The following PRR5 variants were observed in gnomAD, a reference collection of about 807,000 sequenced individuals.
PRR5 encodes proline-rich protein 5.
PRR5 carries 25 observed loss-of-function variants against 30.6 expected under a neutral mutation model. The ratio of observed to expected loss-of-function variants is 0.82; its 90% confidence interval spans 0.60 to 1.14. The LOEUF (loss-of-function observed/expected upper bound fraction) is 1.14. PRR5 is among the 50% of genes most tolerant of loss of function. The pLI is 0.00. For missense variants in PRR5, 600 were observed against 547.1 expected, an observed-to-expected ratio of 1.10 and a Z score of -0.96; for synonymous variants, 286 against 247.1, an observed-to-expected ratio of 1.16 and a Z score of -1.48.
intron 4 of PRR5, chr22:44,730,950 C>T (rs546401490): frequency 4.4e-6 from 2 of 452,544 alleles, no homozygotes; most frequent in African/African-American, 4.0e-5. Flanking sequence ...GATGGATGGG[C>T]AGCTGTTTGG....
At chr22:44,670,169 G>A (rs1923343696) in intron 1 of PRR5, among the ~76,000 whole-genome samples, 1 of 152,188 alleles carries the variant, frequency 6.6e-6, no homozygotes, top group Non-Finnish European at 1.5e-5. Context: ...GGCGGACAGC[G>A]AAGAGGACCA....
At chr22:44,728,544 G>C (rs1336938683) in intron 4 of PRR5, among the ~76,000 whole-genome samples, 2 of 152,238 alleles carry the variant, frequency 1.3e-5, no homozygotes, top group Non-Finnish European at 2.9e-5. Context: ...ATTCCACCTT[G>C]GCAGTCAGAG....
chr22:44,700,186 G>A (rs202026829), upstream of PRR5, among the ~76,000 whole-genome samples: 38 of 152,098 alleles, frequency 2.5e-4, no homozygotes, highest in East Asian at 7.1e-3. Context: ...CCAGGGAGCC[G>A]GGCACAGTGG....
At position 44,705,484 on chromosome 22, in the gene PRR5, C is replaced by T. The variant is rs1224328114; in HGVS notation, c.134+2876C>T. Among the ~76,000 whole-genome samples the T allele has an allele frequency of 3.3e-5, 5 of 151,842 alleles. No homozygotes were observed. The East Asian group carries it at 5.8e-4, about 18-fold the overall frequency. On this transcript the variant is annotated intron_variant, in intron 1 of 7. Coordinates refer to ENST00000336985, the MANE Select transcript of PRR5 (RefSeq NM_181333.4). ...GATTACAGGCGCCCACCACCACGCC[C>T]GGCTAATTTTTTGTACTTTTAGTAG...
intron 6 of PRR5, chr22:44,734,560 T>G: frequency 6.5e-6 from 1 of 154,886 alleles, no homozygotes; most frequent in Non-Finnish European, 1.4e-5. Flanking sequence ...GAGCCAGTGA[T>G]GGGAAGAAGA....
Position 44,729,199 on chromosome 22 carries a change from C to G in PRR5, c.323-2531C>G, listed in dbSNP as rs1461890900. 8.3e-6 allele frequency: 6 copies of G among 727,238 alleles called. No individual in the cohort carries two copies. The South Asian group carries it at 3.7e-4, about 45-fold the overall frequency. 45.0% of individuals were successfully genotyped at this position (727,238 alleles called of 1,614,324 possible). A position where few individuals can be genotyped will look rare whatever the true frequency, so the allele number is the denominator to read the frequency against. ...CCTCCATGCCTGTGCCTCGGCCGTC[C>G]CCGCGCCAGACACCCTTGACCTGGT... is the stretch of plus-strand genomic sequence containing the variant. On this transcript the variant is annotated intron_variant, in intron 4 of 7. Coordinates refer to ENST00000336985, the MANE Select transcript of PRR5 (RefSeq NM_181333.4).
upstream of PRR5, among the ~76,000 whole-genome samples, chr22:44,700,033 G>A (rs1283041363): frequency 6.6e-6 from 1 of 152,086 alleles, no homozygotes; most frequent in Non-Finnish European, 1.5e-5. Flanking sequence ...TTGAGAGCGT[G>A]GGCTAGGCAC....
intron 2 of PRR5, among the ~76,000 whole-genome samples, chr22:44,715,344 C>T (rs1279852518): frequency 6.6e-6 from 1 of 152,180 alleles, no homozygotes; most frequent in African/African-American, 2.4e-5. Flanking sequence ...ACCCTGTTAC[C>T]TTGTCCCTGT....
intron 6 of PRR5, chr22:44,734,186 C>T (rs548003075): frequency 6.6e-6 from 1 of 152,210 alleles, no homozygotes. Flanking sequence ...GCAGGAGAAT[C>T]ACTTGAACCT....
At chr22:44,683,594 A>T (rs1248175693) in intron 1 of PRR5, among the ~76,000 whole-genome samples, 1 of 150,822 alleles carries the variant, frequency 6.6e-6, no homozygotes, top group East Asian at 2.1e-4. Flanking sequence ...GGGGGGAGCC[A>T]GCCAGGAGAC....
intron 4 of PRR5, chr22:44,729,778 C>G (rs1921591715): frequency 1.8e-5 from 18 of 985,510 alleles, no homozygotes; most frequent in Non-Finnish European, 2.2e-5. Flanking sequence ...TTTACAACAT[C>G]TGCTTTCCGC....
chr22:44,694,127 C>T (rs1925537776), intron 1 of PRR5, among the ~76,000 whole-genome samples: 1 of 152,190 alleles, frequency 6.6e-6, no homozygotes, highest in Non-Finnish European at 1.5e-5. Flanking sequence ...CAAGGACGGC[C>T]AAGAAGGGCC....
chr22:44,735,822 A>G (rs1165652438), intron 7 of PRR5, among the ~76,000 whole-genome samples: 1 of 152,188 alleles, frequency 6.6e-6, no homozygotes, highest in East Asian at 1.9e-4. Flanking sequence ...CTCCTCATCC[A>G]GAGGGGCTCC....
Position 44,731,822 on chromosome 22 carries a change from G to A in PRR5, c.414+1G>A, listed in dbSNP as rs1332513997. Reference sequence around the variant, plus strand: ...GCAGGCCATCTTCTACCCGGTGCAGGTGGGCAGCCCAGCCCTGGGGAGGGA... The same window carrying A: ...GCAGGCCATCTTCTACCCGGTGCAGATGGGCAGCCCAGCCCTGGGGAGGGA... On this transcript the variant is annotated splice_donor_variant, in intron 5 of 7. Coordinates refer to ENST00000336985, the MANE Select transcript of PRR5 (RefSeq NM_181333.4). LOFTEE classifies it high-confidence loss of function. 1.9e-6 allele frequency: 3 copies of A among 1,612,574 alleles called. No homozygotes were observed. Among genetic ancestry groups the A allele is most frequent in the Non-Finnish European group, 2.5e-6 (3 of 1,179,828 alleles).
intron 7 of PRR5, among the ~76,000 whole-genome samples, chr22:44,736,029 G>A (rs1923178771): frequency 6.6e-6 from 1 of 152,180 alleles, no homozygotes. Flanking sequence ...CCCGCCACCT[G>A]GTGGCCACTC....
At chr22:44,717,786 G>A (rs894576400) in intron 2 of PRR5, among the ~76,000 whole-genome samples, 2 of 149,880 alleles carry the variant, frequency 1.3e-5, no homozygotes, top group Admixed American at 6.7e-5. Flanking sequence ...GCGTGATCTC[G>A]GCTCACCACA....
chr22:44,731,224 GTACCTGT>G, intron 4 of PRR5: 4 of 224,226 alleles, frequency 1.8e-5, no homozygotes, highest in East Asian at 1.3e-4. Context: ...TGTGCCAGGT[GTACCTGT>G]GTGGGTCTTA....
At chr22:44,690,214 G>A (rs1011820636) in intron 1 of PRR5, among the ~76,000 whole-genome samples, 1 of 152,198 alleles carries the variant, frequency 6.6e-6, no homozygotes, top group Non-Finnish European at 1.5e-5. Context: ...CCCCAGGAGA[G>A]GAAGCACCGG....
At chr22:44,687,975 C>A (rs11090686) in intron 1 of PRR5, among the ~76,000 whole-genome samples, 3 of 151,248 alleles carry the variant, frequency 2.0e-5, no homozygotes, top group African/African-American at 7.3e-5. Flanking sequence ...GGGTTTCACC[C>A]TGTTGGTCAG....
Sources: gnomAD v4.1 joint callset for allele counts (sites outside exome capture counted in the v4.1 genomes callset) on GRCh38, gnomAD v4.1.1 for gene constraint, MANE v1.5 for transcripts, NCBI Gene and HGNC (gene_info 2026-07-23, HGNC 2026-07-21) for gene names.